The following GMDS variants were observed in gnomAD, a reference collection of about 807,000 sequenced individuals.
GMDS encodes GDP-mannose 4,6-dehydratase.
In GMDS, 20 loss-of-function variants were observed where a neutral mutation model predicts 49.9. The observed-to-expected ratio is 0.40, with a 90% CI of 0.28 to 0.58. GMDS has a LOEUF of 0.58. Ranked by LOEUF, GMDS falls within the 20% of genes least tolerant of loss-of-function variation. GMDS has a pLI of 0.42. For synonymous variants in GMDS, 177 were observed against 178.6 expected (o/e 0.99, Z 0.07); for missense variants, 362 against 481.4 (o/e 0.75, Z 2.32).
chr6:1,954,052 CA>C (rs1248383539), intron 6 of GMDS, among the ~76,000 whole-genome samples: 1 of 152,002 alleles, frequency 6.6e-6, no homozygotes, highest in Non-Finnish European at 1.5e-5. Flanking sequence ...GCTGTATTTC[CA>C]GTAGAAAGCT....
At chr6:2,194,460 CAATA>C (rs1779194601) in intron 1 of GMDS, among the ~76,000 whole-genome samples, 1 of 152,108 alleles carries the variant, frequency 6.6e-6, no homozygotes, top group Non-Finnish European at 1.5e-5. Flanking sequence ...TGTTTAAACC[CAATA>C]AATAAACATT....
Position 1,698,720 on chromosome 6 carries a change from G to A in GMDS, c.987+27696C>T, listed in dbSNP as rs531406861. On this transcript the variant is annotated intron_variant, in intron 9 of 10. Transcript: ENST00000380815. ...ATCCGGCCCCAGTGCCCACGTGTGC[G>A]CGACCCTGGACAGAGGGCGGCCTCC... Among the ~76,000 whole-genome samples the A allele has an allele frequency of 2.5e-3, 377 of 151,894 alleles. 2 individuals are homozygous for A. Among genetic ancestry groups the A allele is most frequent in the Admixed American group, 4.0e-3 (61 of 15,270 alleles).
At chr6:1,970,306 G>A (rs1482614828) in intron 4 of GMDS, among the ~76,000 whole-genome samples, 1 of 152,188 alleles carries the variant, frequency 6.6e-6, no homozygotes, top group Non-Finnish European at 1.5e-5. Flanking sequence ...ATTAATCAAG[G>A]ACAGCAACAA....
intron 1 of GMDS, among the ~76,000 whole-genome samples, chr6:2,179,946 T>C (rs1038629953): frequency 1.4e-5 from 2 of 143,828 alleles, no homozygotes; most frequent in Non-Finnish European, 3.0e-5. Context: ...GATACACCCA[T>C]CTATCTGATC....
chr6:1,785,836 G>T (rs999640218), intron 7 of GMDS, among the ~76,000 whole-genome samples: 2 of 152,222 alleles, frequency 1.3e-5, no homozygotes, highest in Admixed American at 6.5e-5. Context: ...AGCTTCAGCA[G>T]TGCTCATTTT....
chr6:2,176,113 C>A, intron 1 of GMDS: 1 of 723,486 alleles, frequency 1.4e-6, no homozygotes, highest in Non-Finnish European at 2.2e-6. Context: ...TCCAGCCCCC[C>A]TTCTACAACC....
chr6:2,141,811 C>T (rs1437022463), intron 1 of GMDS, among the ~76,000 whole-genome samples: 7 of 152,194 alleles, frequency 4.6e-5, no homozygotes, highest in African/African-American at 9.6e-5. Flanking sequence ...TGACTCAGCA[C>T]GGCTGCGACC....
In GMDS at chr6:1,992,817, C is replaced by T. The variant is rs1019218763; in HGVS notation, c.346-31851G>A. 2.0e-5 allele frequency among the ~76,000 whole-genome samples: 3 copies of T among 152,220 alleles called. No individual in the cohort carries two copies. The East Asian group carries it at 5.8e-4, about 29-fold the overall frequency. Reference sequence around the variant, plus strand: ...GGTCCCAAACACTGAGGGCCAGTGCCTGGCAAAGAGAAGCTGCTCTTTACT... The same window carrying T: ...GGTCCCAAACACTGAGGGCCAGTGCTTGGCAAAGAGAAGCTGCTCTTTACT... On this transcript the variant is annotated intron_variant, in intron 4 of 10. Transcript: ENST00000380815.
chr6:1,779,194 T>G (rs771372116), intron 7 of GMDS, among the ~76,000 whole-genome samples: 1 of 152,120 alleles, frequency 6.6e-6, no homozygotes, highest in African/African-American at 2.4e-5. Flanking sequence ...TGTCCAAGGC[T>G]CCACTTACTG....
At chr6:2,109,211 C>A (rs528338895) in intron 4 of GMDS, among the ~76,000 whole-genome samples, 1 of 152,260 alleles carries the variant, frequency 6.6e-6, no homozygotes, top group East Asian at 1.9e-4. Flanking sequence ...GGACACACAG[C>A]GGCCAATGCA....
At chr6:1,950,780 G>C (rs2127276589) in intron 6 of GMDS, among the ~76,000 whole-genome samples, 1 of 152,290 alleles carries the variant, frequency 6.6e-6, no homozygotes. Context: ...GATTCTGCAA[G>C]CACATTTGGA....
At chr6:2,133,532 T>C (rs1056028038) in intron 1 of GMDS, among the ~76,000 whole-genome samples, 1 of 152,226 alleles carries the variant, frequency 6.6e-6, no homozygotes, top group African/African-American at 2.4e-5. Flanking sequence ...ATATAATTAA[T>C]CCAGTTAAGA....
At chr6:1,652,370 T>TA (rs200271939) in intron 9 of GMDS, among the ~76,000 whole-genome samples, 7,014 of 11,928 alleles carry the variant, frequency 0.59, 1,931 homozygotes, top group East Asian at 0.7. Context: ...GAAACTCCGC[T>TA]AAAAAAAAAA....
chr6:2,071,762 G>T (rs1468041119), intron 4 of GMDS, among the ~76,000 whole-genome samples: 1 of 151,512 alleles, frequency 6.6e-6, no homozygotes, highest in Non-Finnish European at 1.5e-5. Context: ...TGCCATAGTT[G>T]AAGTGTCTAA....
At chr6:2,231,142 T>A (rs1781088915) in intron 1 of GMDS, among the ~76,000 whole-genome samples, 2 of 151,812 alleles carry the variant, frequency 1.3e-5, no homozygotes, top group African/African-American at 2.4e-5. Flanking sequence ...AACACAATGA[T>A]GATTTGAATA....
intron 4 of GMDS, among the ~76,000 whole-genome samples, chr6:2,007,610 T>C (rs1254642297): frequency 6.6e-6 from 1 of 152,132 alleles, no homozygotes; most frequent in African/African-American, 2.4e-5. Flanking sequence ...ACTTTTATTT[T>C]ACGTTCAGGG....
chr6:1,813,395 C>G (rs1293356607), intron 7 of GMDS, among the ~76,000 whole-genome samples: 1 of 152,124 alleles, frequency 6.6e-6, no homozygotes, highest in African/African-American at 2.4e-5. Context: ...ACCCAGCGCT[C>G]AATGCCTAAG....
chr6:1,684,936 T>C (rs1764920476), intron 9 of GMDS, among the ~76,000 whole-genome samples: 1 of 152,154 alleles, frequency 6.6e-6, no homozygotes, highest in Admixed American at 6.5e-5. Flanking sequence ...TGCCTGCCAC[T>C]GAAGCCACAA....
chr6:2,210,541 G>A (rs916774332), intron 1 of GMDS, among the ~76,000 whole-genome samples: 6 of 152,110 alleles, frequency 3.9e-5, no homozygotes, highest in African/African-American at 1.2e-4. Flanking sequence ...AGACCAATGA[G>A]ACAGGAAAGG....
Sources: allele counts gnomAD v4.1 joint callset (sites outside exome capture counted in the v4.1 genomes callset), GRCh38; gene constraint gnomAD v4.1.1; transcripts MANE v1.5; gene names NCBI Gene and HGNC (gene_info 2026-07-23, HGNC 2026-07-21).